The following GLP2R variants were observed in gnomAD, a reference collection of about 807,000 sequenced individuals.
GLP2R encodes the protein glucagon like peptide 2 receptor.
A neutral mutation model predicts 68.2 loss-of-function variants in GLP2R; 59 were observed. That is an observed-to-expected ratio of 0.87 (90% CI 0.70 to 1.07). GLP2R has a LOEUF of 1.07. Ranked by LOEUF, GLP2R falls within the 50% of genes least tolerant of loss-of-function variation. GLP2R has a pLI of 0.00. For synonymous variants in GLP2R, 270 were observed against 265.4 expected, an observed-to-expected ratio of 1.02 and a Z score of -0.17; for missense variants, 548 against 677.4, an observed-to-expected ratio of 0.81 and a Z score of 2.12.
intron 4 of GLP2R, 73 bp from the exon 5 acceptor site, chr17:9,854,422 T>C: frequency 1.1e-6 from 1 of 884,370 alleles, no homozygotes; most frequent in East Asian, 2.4e-5. Flanking sequence ...TTGGTGGCCC[T>C]GGGTGTGGAG....
intron 5 of GLP2R, among the ~76,000 whole-genome samples, chr17:9,856,587 T>C (rs925094815): frequency 3.3e-5 from 5 of 152,078 alleles, no homozygotes; most frequent in African/African-American, 1.2e-4. Context: ...GAGCTAACAT[T>C]TTTCTGGACA....
At chr17:9,857,970 T>A (rs926826782) in intron 6 of GLP2R, among the ~76,000 whole-genome samples, 2 of 152,240 alleles carry the variant, frequency 1.3e-5, no homozygotes, top group African/African-American at 2.4e-5. Context: ...GACCTGAACA[T>A]GTACAGACTT....
chr17:9,868,038 C>T (rs1456325866), intron 9 of GLP2R, among the ~76,000 whole-genome samples: 2 of 152,198 alleles, frequency 1.3e-5, no homozygotes, highest in Non-Finnish European at 2.9e-5. Flanking sequence ...CAAAACTTAG[C>T]TTTGCTACAC....
intron 9 of GLP2R, among the ~76,000 whole-genome samples, chr17:9,869,436 A>G (rs1235116957): frequency 1.3e-5 from 2 of 152,136 alleles, no homozygotes; most frequent in Non-Finnish European, 2.9e-5. Flanking sequence ...CTTCTCACAA[A>G]CCCTGTTCTC....
At chr17:9,852,674 T>G in intron 4 of GLP2R, 1 of 205,484 alleles carries the variant, frequency 4.9e-6, no homozygotes, top group South Asian at 8.7e-5. Context: ...TATTTAATCT[T>G]GGTGTTGATG....
chr17:9,849,080 TAA>T (rs2066868021), intron 4 of GLP2R, among the ~76,000 whole-genome samples: 2 of 151,752 alleles, frequency 1.3e-5, no homozygotes, highest in Non-Finnish European at 2.9e-5. Context: ...ATATGGCATA[TAA>T]TTTTAATAAT....
At position 9,826,001 on chromosome 17, in the gene GLP2R, G is replaced by T; in HGVS notation, c.-63G>T. 4.5e-6 allele frequency: 6 copies of T among 1,335,688 alleles called. No homozygotes were observed. Among genetic ancestry groups the T allele is most frequent in the Non-Finnish European group, 6.3e-6 (6 of 959,628 alleles). 82.7% of individuals were successfully genotyped at this position (1,335,688 alleles called of 1,614,324 possible). A position where few individuals can be genotyped will look rare whatever the true frequency, so the allele number is the denominator to read the frequency against. On this transcript the variant is annotated 5_prime_UTR_variant, in exon 1 of 13. Transcript: ENST00000262441. ...ACCAAGAGGAATGCAAGAGGAGGCT[G>T]CCTGCGGTGCATCTTGGACGGCTAG... is the stretch of plus-strand genomic sequence containing the variant.
At position 9,832,371 on chromosome 17, in the gene GLP2R, G is replaced by A. The variant is rs11867760; in HGVS notation, c.190-1436G>A. ...GGGCGGATCACAAGGTCAGGAGTTC[G>A]AGACCAAGCTGATCAACGTGGTGAA... On this transcript the variant is annotated intron_variant, in intron 1 of 12. Coordinates refer to ENST00000262441, the MANE Select transcript of GLP2R (RefSeq NM_004246.3). 6.3e-3 allele frequency among the ~76,000 whole-genome samples: 960 copies of A among 152,100 alleles called. 6 individuals carry two copies. The highest frequency in any genetic ancestry group is 0.021 in the African/African-American group (869 of 41,478).
chr17:9,836,010 G>A lies in GLP2R; in HGVS notation c.278-361G>A, dbSNP rs374786801. On this transcript the variant is annotated intron_variant, in intron 2 of 12. Transcript: ENST00000262441. ...GCTGAGATCACGCCATTGTACTCCA[G>A]CCTGGGCAATACAGTGAGACTCCAT... is the stretch of plus-strand genomic sequence containing the variant. 3.8e-5 allele frequency among the ~76,000 whole-genome samples: 5 copies of A among 130,188 alleles called. No homozygotes were observed. In the East Asian group the frequency reaches 6.8e-4, roughly 18 times the overall value. 85.4% of individuals were successfully genotyped at this position (130,188 alleles called of 152,430 possible).
chr17:9,878,934 TA>T (rs912901642), intron 10 of GLP2R, among the ~76,000 whole-genome samples: 18 of 148,826 alleles, frequency 1.2e-4, no homozygotes, highest in East Asian at 7.8e-4. Flanking sequence ...TGACCTAAGC[TA>T]AAAAAAAAAT....
At chr17:9,878,934 TAA>T (rs912901642) in intron 10 of GLP2R, among the ~76,000 whole-genome samples, 7 of 148,836 alleles carry the variant, frequency 4.7e-5, no homozygotes, top group Non-Finnish European at 1.0e-4. Context: ...TGACCTAAGC[TAA>T]AAAAAAAATC....
rs2152052467 is a variant in GLP2R at position 9,891,145 on chromosome 17, A to G, written c.*1440A>G. On this transcript the variant is annotated 3_prime_UTR_variant, in exon 13 of 13. Coordinates refer to ENST00000262441, the MANE Select transcript of GLP2R (RefSeq NM_004246.3). ...TTTAGCAAACAAAAACAAGGTACTC[A>G]ATTAAATTTGAATTTCAGACAAATA... 6.6e-6 allele frequency: 1 copy of G among 152,334 alleles called. No individual in the cohort carries two copies. The highest frequency in any genetic ancestry group is 3.4e-3 in the Middle Eastern group (1 of 294). 9.4% of individuals were successfully genotyped at this position (152,334 alleles called of 1,614,324 possible).
intron 4 of GLP2R, among the ~76,000 whole-genome samples, chr17:9,850,957 T>G (rs149894912): frequency 0.014 from 2,135 of 152,178 alleles, 59 homozygotes; most frequent in African/African-American, 0.049. Context: ...CCTCCCAAAG[T>G]GCTGGGATTA....
At chr17:9,834,363 TATGAC>T (rs1165306812) in intron 2 of GLP2R, among the ~76,000 whole-genome samples, 2 of 152,268 alleles carry the variant, frequency 1.3e-5, no homozygotes, top group East Asian at 3.9e-4. Flanking sequence ...CACCTGATCA[TATGAC>T]ATGATTATCT....
chr17:9,847,239 T>C (rs2066847626), intron 4 of GLP2R, among the ~76,000 whole-genome samples: 1 of 152,208 alleles, frequency 6.6e-6, no homozygotes, highest in South Asian at 2.1e-4. Context: ...CTGAATATAA[T>C]TTATTCATTG....
At chr17:9,848,866 A>ATT (rs771641547) in intron 4 of GLP2R, among the ~76,000 whole-genome samples, 2 of 84,278 alleles carry the variant, frequency 2.4e-5, no homozygotes, top group Non-Finnish European at 4.1e-5. Flanking sequence ...TTTAAAGGAG[A>ATT]TTGTGTGTGT....
chr17:9,867,043 G>A (rs1339701888), intron 9 of GLP2R: 1 of 152,218 alleles, frequency 6.6e-6, no homozygotes, highest in Non-Finnish European at 1.5e-5. Context: ...TTAAACTGAA[G>A]TAAGAAAGAG....
intron 11 of GLP2R, among the ~76,000 whole-genome samples, chr17:9,880,932 G>A (rs992015041): frequency 6.6e-6 from 1 of 152,228 alleles, no homozygotes; most frequent in African/African-American, 2.4e-5. Context: ...TTCAGACCAG[G>A]AGGCTATTGA....
At chr17:9,865,792 T>G (rs556468817) in intron 9 of GLP2R, 56 of 470,822 alleles carry the variant, frequency 1.2e-4, no homozygotes, top group Non-Finnish European at 2.3e-4. Flanking sequence ...CCCTCAGCTC[T>G]TAGAGAGGAC....
Sources: gnomAD v4.1 joint callset for allele counts (sites outside exome capture counted in the v4.1 genomes callset) on GRCh38, gnomAD v4.1.1 for gene constraint, MANE v1.5 for transcripts, NCBI Gene and HGNC (gene_info 2026-07-23, HGNC 2026-07-21) for gene names.